Variants in PVT1 observed in about 807,000 individuals in gnomAD.
PVT1 encodes the protein CXCR4/PVT1 fusion.
intron 3 of PVT1, among the ~76,000 whole-genome samples, chr8:127,941,100 T>C (rs1816343978): frequency 6.6e-6 from 1 of 152,236 alleles, no homozygotes; most frequent in Non-Finnish European, 1.5e-5. Context: ...TGCATTGAGC[T>C]TCTGGAAGCC....
intron 3 of PVT1, among the ~76,000 whole-genome samples, chr8:127,960,190 C>T (rs1816623220): frequency 2.0e-5 from 3 of 152,094 alleles, no homozygotes; most frequent in African/African-American, 4.8e-5. Flanking sequence ...CTGCAGTTTC[C>T]AAGTTGGAGG....
intron 4 of PVT1, among the ~76,000 whole-genome samples, chr8:127,999,587 G>T (rs1421358690): frequency 6.6e-6 from 1 of 151,812 alleles, no homozygotes; most frequent in Admixed American, 6.6e-5. Context: ...TCAGCCTCCC[G>T]AGTAGCTGGG....
At chr8:127,848,199 G>C (rs938349779) in intron 2 of PVT1, among the ~76,000 whole-genome samples, 3 of 152,194 alleles carry the variant, frequency 2.0e-5, no homozygotes, top group Admixed American at 2.0e-4. Context: ...CTTATCACAT[G>C]TCAAGGTTAT....
intron 3 of PVT1, among the ~76,000 whole-genome samples, chr8:127,906,953 CTT>C (rs561274568): frequency 4.5e-5 from 6 of 132,662 alleles, no homozygotes; most frequent in Admixed American, 1.5e-4. Flanking sequence ...GGCACTCTCT[CTT>C]TTTTTTTTTT....
At chr8:127,962,574 G>T (rs1563651497) in intron 3 of PVT1, among the ~76,000 whole-genome samples, 1 of 152,102 alleles carries the variant, frequency 6.6e-6, no homozygotes, top group South Asian at 2.1e-4. Flanking sequence ...CCAGGTTGCG[G>T]TTTTTGTCCT....
chr8:127,911,222 A>C (rs1471181969), intron 3 of PVT1, among the ~76,000 whole-genome samples: 1 of 152,170 alleles, frequency 6.6e-6, no homozygotes, highest in Non-Finnish European at 1.5e-5. Flanking sequence ...GGCTCCTCTT[A>C]TAGAGCCACC....
At chr8:128,083,679 G>A (rs1422788808) in intron 5 of PVT1, among the ~76,000 whole-genome samples, 1 of 152,146 alleles carries the variant, frequency 6.6e-6, no homozygotes, top group East Asian at 1.9e-4. Flanking sequence ...TCCAACTAGT[G>A]GTTTATTCTT....
intron 3 of PVT1, among the ~76,000 whole-genome samples, chr8:127,939,250 A>G (rs780062509): frequency 2.0e-5 from 3 of 152,052 alleles, no homozygotes; most frequent in Non-Finnish European, 4.4e-5. Flanking sequence ...CCCTTTCCCA[A>G]CCAGCACCTT....
At chr8:127,978,107 A>C (rs745525047) in intron 3 of PVT1, among the ~76,000 whole-genome samples, 1 of 152,096 alleles carries the variant, frequency 6.6e-6, no homozygotes, top group African/African-American at 2.4e-5. Flanking sequence ...GCTGCTGATC[A>C]CAAGTTACGT....
At chr8:127,916,453 G>T (rs905987594) in intron 3 of PVT1, among the ~76,000 whole-genome samples, 109 of 152,178 alleles carry the variant, frequency 7.2e-4, no homozygotes, top group African/African-American at 2.5e-3. Context: ...CTCAATGTGG[G>T]CCTGGTCAGG....
chr8:127,914,146 C>T (rs1815947820), intron 3 of PVT1, among the ~76,000 whole-genome samples: 1 of 151,268 alleles, frequency 6.6e-6, no homozygotes, highest in South Asian at 2.1e-4. Flanking sequence ...GGCCAATAAA[C>T]ACATGAAAAG....
At chr8:127,823,507 G>T (rs958308817) in intron 2 of PVT1, among the ~76,000 whole-genome samples, 22 of 152,104 alleles carry the variant, frequency 1.4e-4, no homozygotes, top group African/African-American at 5.3e-4. Context: ...CCTGTCCTTA[G>T]CCCTGTTTCC....
chr8:128,029,536 T>G (rs1004535571), intron 4 of PVT1, among the ~76,000 whole-genome samples: 15 of 152,068 alleles, frequency 9.9e-5, no homozygotes, highest in African/African-American at 3.4e-4. Context: ...GTGCGGTGGC[T>G]CACGCCTGTA....
intron 4 of PVT1, among the ~76,000 whole-genome samples, chr8:128,063,030 C>A (rs1813850868): frequency 6.6e-6 from 1 of 152,172 alleles, no homozygotes; most frequent in South Asian, 2.1e-4. Context: ...ATGCTCTCCC[C>A]AGTGGATTGA....
intron 2 of PVT1, among the ~76,000 whole-genome samples, chr8:127,844,086 C>T (rs188624670): frequency 2.6e-5 from 4 of 151,972 alleles, no homozygotes; most frequent in South Asian, 2.1e-4. Context: ...GGGTTCATGC[C>T]GTTCTCCTGC....
chr8:127,942,621 A>G (rs1397045378), intron 3 of PVT1, among the ~76,000 whole-genome samples: 1 of 152,174 alleles, frequency 6.6e-6, no homozygotes, highest in Admixed American at 6.5e-5. Flanking sequence ...GTTGACCAGG[A>G]TGAGTGATAG....
Position 127,898,310 on chromosome 8 carries a change from G to T in PVT1, n.782+7312G>T, listed in dbSNP as rs1815712974. Among the ~76,000 whole-genome samples the T allele has an allele frequency of 6.6e-6, 1 of 151,674 alleles. No individual in the cohort carries two copies. The highest frequency in any genetic ancestry group is 2.1e-4 in the South Asian group (1 of 4,800). Reference sequence around the variant, plus strand: ...CTGTAAAGAAATAAAATAATGTAAAGAAAGAAAATAATGTAAAGAAAGAAA... The same window carrying T: ...CTGTAAAGAAATAAAATAATGTAAATAAAGAAAATAATGTAAAGAAAGAAA... On this transcript the variant is annotated intron_variant and non_coding_transcript_variant, in intron 3 of 10. Coordinates refer to ENST00000651587, the Ensembl canonical transcript of PVT1. The surrounding 1 kb of genome is among the most constrained non-coding windows in gnomAD (Gnocchi z 4.4).
chr8:128,089,094 TGAGA>T (rs1181755074), intron 5 of PVT1, among the ~76,000 whole-genome samples: 1 of 152,206 alleles, frequency 6.6e-6, no homozygotes, highest in African/African-American at 2.4e-5. Context: ...CCCATGGAAA[TGAGA>T]GAAGTTATGT....
rs73355632 is a variant in PVT1 at position 127,988,965 on chromosome 8, G to A, written n.783-197G>A. Reference sequence around the variant, plus strand: ...AAAGCCTATCTCATAGGATTAAACAGTTTAATGTGTATAAAATGCCTAACA... The same window carrying A: ...AAAGCCTATCTCATAGGATTAAACAATTTAATGTGTATAAAATGCCTAACA... On this transcript the variant is annotated intron_variant and non_coding_transcript_variant, in intron 3 of 10. Transcript: ENST00000651587. 2.0e-3 allele frequency among the ~76,000 whole-genome samples: 312 copies of A among 152,304 alleles called. 1 individual carries two copies. Among genetic ancestry groups the A allele is most frequent in the African/African-American group, 7.0e-3 (289 of 41,560 alleles).
Sources: allele counts gnomAD v4.1 joint callset (sites outside exome capture counted in the v4.1 genomes callset), GRCh38; gene constraint gnomAD v4.1.1; non-coding constraint Gnocchi (gnomAD v3.1); transcripts MANE v1.5; gene names NCBI Gene and HGNC (gene_info 2026-07-23, HGNC 2026-07-21).